Variants in ALG9 observed in about 807,000 individuals in gnomAD.
ALG9 encodes the protein ALG9 alpha-1,2-mannosyltransferase, also known as alpha-1,2-mannosyltransferase ALG9.
A neutral mutation model predicts 81.8 loss-of-function variants in ALG9; 55 were observed. That is an observed-to-expected ratio of 0.67 (90% CI 0.54 to 0.84). The LOEUF is 0.84. ALG9 is among the 40% of genes least tolerant of loss of function. The pLI is 0.00. For synonymous variants in ALG9, 278 were observed against 274.3 expected, an observed-to-expected ratio of 1.01 and a Z score of -0.13; for missense variants, 629 against 745.0, an observed-to-expected ratio of 0.84 and a Z score of 1.81.
chr11:111,841,920 G>A (rs1199635127), intron 9 of ALG9, among the ~76,000 whole-genome samples: 2 of 152,084 alleles, frequency 1.3e-5, no homozygotes, highest in East Asian at 3.9e-4. Context: ...TTTCTGAGAC[G>A]GAGTCTCTCT....
Position 111,836,104 on chromosome 11 carries a change from C to T in ALG9, c.1602+61G>A, listed in dbSNP as rs1323483551. Reference sequence around the variant, plus strand: ...TTTTATCAATGCTCTAATATACACACCAACAGACTTTTAGGCATAGAATTC... The same window carrying T: ...TTTTATCAATGCTCTAATATACACATCAACAGACTTTTAGGCATAGAATTC... On this transcript the variant is annotated intron_variant, in intron 13 of 14. Transcript: ENST00000616540. 3.1e-6 allele frequency: 5 copies of T among 1,608,540 alleles called. No homozygotes were observed. The East Asian group carries it at 8.9e-5, about 29-fold the overall frequency.
chr11:111,839,584 G>A (rs11214014), intron 10 of ALG9, among the ~76,000 whole-genome samples: 37,222 of 106,294 alleles, frequency 0.35, 6,222 homozygotes, highest in East Asian at 0.63. Context: ...GCAAGATTCC[G>A]TCTCAAAAAA....
At chr11:111,793,354 A>C (rs1375856732) in intron 14 of ALG9, among the ~76,000 whole-genome samples, 1 of 152,206 alleles carries the variant, frequency 6.6e-6, no homozygotes. Flanking sequence ...CTGCTGTTCT[A>C]GATTATTTTA....
At chr11:111,856,291 A>G (rs1166489942) in intron 6 of ALG9, among the ~76,000 whole-genome samples, 4 of 150,980 alleles carry the variant, frequency 2.6e-5, no homozygotes, top group Non-Finnish European at 4.4e-5. Context: ...AAAAAAAAAA[A>G]AAAAAGAAAA....
intron 13 of ALG9, among the ~76,000 whole-genome samples, chr11:111,820,150 T>C (rs1952107066): frequency 6.6e-6 from 1 of 151,992 alleles, no homozygotes; most frequent in Non-Finnish European, 1.5e-5. Context: ...TTCAGATCCA[T>C]GACTGCATTC....
chr11:111,799,437 G>A (rs1319936268), intron 14 of ALG9, among the ~76,000 whole-genome samples: 2 of 149,328 alleles, frequency 1.3e-5, no homozygotes, highest in East Asian at 2.0e-4. Context: ...CACCGTGCCC[G>A]GCTGATTCCT....
chr11:111,805,742 A>G (rs1565713149), intron 14 of ALG9, among the ~76,000 whole-genome samples: 1 of 152,256 alleles, frequency 6.6e-6, no homozygotes, highest in African/African-American at 2.4e-5. Context: ...ACATGACATT[A>G]TATGCCATAG....
intron 13 of ALG9, among the ~76,000 whole-genome samples, chr11:111,830,733 A>C (rs1475264777): frequency 1.3e-5 from 2 of 152,204 alleles, no homozygotes; most frequent in Non-Finnish European, 2.9e-5. Flanking sequence ...GAAGGGATAA[A>C]ATGAGAGAGA....
At chr11:111,857,944 C>T in intron 5 of ALG9, 2 of 570,300 alleles carry the variant, frequency 3.5e-6, no homozygotes, top group South Asian at 3.9e-5. Flanking sequence ...TTTCTCACTC[C>T]TGGTTTTTTT....
intron 4 of ALG9, chr11:111,864,299 C>T (rs189294491): frequency 1.4e-5 from 15 of 1,095,524 alleles, no homozygotes; most frequent in South Asian, 6.3e-5. Context: ...AGTGGTTCAA[C>T]AGCCCCGGCT....
intron 1 of ALG9, 30 bp downstream of exon 1, chr11:111,871,322 G>GGCCA: frequency 7.1e-7 from 1 of 1,401,978 alleles, no homozygotes; most frequent in East Asian, 2.9e-5. Context: ...CCCGCCGGCC[G>GGCCA]GCCACGCCCC....
rs781998908 is a variant in ALG9, at chr11:111,853,393, T to C, written c.882A>G (p.Gly294=). 3 of 1,613,382 alleles carry C rather than the reference T, an allele frequency of 1.9e-6. No individual in the cohort carries two copies. In the East Asian group the frequency reaches 6.7e-5, roughly 36 times the overall value. ...IVLYNVFTPH[G]PDLYGTEPWY... ...ACAAAGCCTTACCATAAAGATCAGG[T>C]CCATGAGGAGTAAAGACATTATACA... The change falls in exon 8 of 15, where the codon GGA becomes GGG. Residue 294 remains glycine (G), a synonymous_variant. Coordinates refer to ENST00000616540, the MANE Select transcript of ALG9 (RefSeq NM_024740.2).
chr11:111,783,420 T>A lies in ALG9; in HGVS notation c.*2977A>T. 1 of 152,216 alleles carries A rather than the reference T, an allele frequency of 6.6e-6. No individual in the cohort carries two copies. The highest frequency in any genetic ancestry group is 2.4e-5 in the African/African-American group (1 of 41,346). 9.4% of individuals were successfully genotyped at this position (152,216 alleles called of 1,614,324 possible). A position where few individuals can be genotyped will look rare whatever the true frequency, so the allele number is the denominator to read the frequency against. ...TTGCAGTGAGCTGAGGTCGTGCCATTGTGTTCCAACCTGGGCGACAGAGCA... is the reference window on the plus strand; with the variant it reads ...TTGCAGTGAGCTGAGGTCGTGCCATAGTGTTCCAACCTGGGCGACAGAGCA... On this transcript the variant is annotated 3_prime_UTR_variant, in exon 15 of 15. Transcript: ENST00000616540.
chr11:111,855,985 T>G lies in ALG9; in HGVS notation c.701+1617A>C, dbSNP rs1194792312. Among the ~76,000 whole-genome samples, 8 of 152,132 alleles carry G rather than the reference T, an allele frequency of 5.3e-5. No homozygotes were observed. The East Asian group carries it at 1.4e-3, about 26-fold the overall frequency. On this transcript the variant is annotated intron_variant, in intron 6 of 14. Transcript: ENST00000616540. Reference sequence around the variant, plus strand: ...CAAGTGCACAAAGATATCTGTATAATAATGTTCACTGGGCCGGACACGATG... The same window carrying G: ...CAAGTGCACAAAGATATCTGTATAAGAATGTTCACTGGGCCGGACACGATG...
chr11:111,809,555 C>G (rs1950404563), intron 14 of ALG9, 88 bp downstream of exon 14: 1 of 1,513,366 alleles, frequency 6.6e-7, no homozygotes, highest in East Asian at 2.3e-5. Flanking sequence ...CTACTAGAGT[C>G]AACCCAGGAC....
At chr11:111,865,479 T>G (rs1376585422) in intron 3 of ALG9, among the ~76,000 whole-genome samples, 1 of 152,218 alleles carries the variant, frequency 6.6e-6, no homozygotes. Flanking sequence ...CATGAAAATG[T>G]TAATTGCAGT....
intron 14 of ALG9, among the ~76,000 whole-genome samples, chr11:111,793,406 T>C (rs575571093): frequency 6.6e-6 from 1 of 152,358 alleles, no homozygotes; most frequent in South Asian, 2.1e-4. Context: ...TGGGGCATTT[T>C]GAATTGTTAT....
rs1405674363 is a variant in ALG9, at chr11:111,864,243, T to C, written c.476+938A>G. The C allele has an allele frequency of 9.3e-6, 9 of 967,146 alleles. 1 individual carries two copies. In the East Asian group the frequency reaches 2.2e-4, roughly 24 times the overall value. The allele number at this position is 967,146 out of a possible 1,614,324, so 59.9% of individuals were successfully genotyped here. A position where few individuals can be genotyped will look rare whatever the true frequency, so the allele number is the denominator to read the frequency against. On this transcript the variant is annotated intron_variant, in intron 4 of 14. Coordinates refer to ENST00000616540, the MANE Select transcript of ALG9 (RefSeq NM_024740.2). The stretch of plus-strand genomic sequence containing the variant: ...ACCAACCCACGAACTGGCCCGGCCC[T>C]CACGTGCACCATGTCTGGCTCCTCC...
rs559698025 is a variant in ALG9 at position 111,785,609 on chromosome 11, T to C, written c.*788A>G. On this transcript the variant is annotated 3_prime_UTR_variant, in exon 15 of 15. Coordinates refer to ENST00000616540, the MANE Select transcript of ALG9 (RefSeq NM_024740.2). ...GATAGAATTTTCTCCAAATATGTCC[T>C]ATACAGTTGTAGTTTTGTCTGTTGA... is the stretch of plus-strand genomic sequence containing the variant. 3.3e-4 allele frequency: 55 copies of C among 164,194 alleles called. 1 individual carries two copies. In the South Asian group the frequency reaches 9.2e-3, roughly 27 times the overall value. 10.2% of individuals were successfully genotyped at this position (164,194 alleles called of 1,614,324 possible).
Sources: gnomAD v4.1 joint callset for allele counts (sites outside exome capture counted in the v4.1 genomes callset) on GRCh38, gnomAD v4.1.1 for gene constraint, MANE v1.5 for transcripts, NCBI Gene and HGNC (gene_info 2026-07-23, HGNC 2026-07-21) for gene names.